ADGRB3: variants seen among roughly 807,000 people sequenced by gnomAD.
ADGRB3 encodes the protein adhesion G protein-coupled receptor B3.
In ADGRB3, 37 loss-of-function variants were observed where a neutral mutation model predicts 193.4. That is an observed-to-expected ratio of 0.19 (90% confidence interval 0.15 to 0.25). The LOEUF (loss-of-function observed/expected upper bound fraction) is 0.25, where lower values mean the gene tolerates loss of function less well. Ranked by LOEUF, ADGRB3 falls within the 10% of genes least tolerant of loss-of-function variation. The pLI is 1.00. For missense variants in ADGRB3, 1,637 were observed against 1,852.9 expected (o/e 0.88, Z 2.14); for synonymous variants, 690 against 644.2 (o/e 1.07, Z -1.08).
intron 3 of ADGRB3, among the ~76,000 whole-genome samples, chr6:68,904,801 C>G (rs904009487): frequency 1.3e-5 from 2 of 152,178 alleles, no homozygotes; most frequent in African/African-American, 4.8e-5. Context: ...TTTCATATCT[C>G]TCTCATGATC....
chr6:68,740,605 A>G (rs557545807), intron 3 of ADGRB3, among the ~76,000 whole-genome samples: 1 of 152,336 alleles, frequency 6.6e-6, no homozygotes, highest in African/African-American at 2.4e-5. Flanking sequence ...CATATATTTC[A>G]TAGGAATCAT....
intron 3 of ADGRB3, among the ~76,000 whole-genome samples, chr6:68,697,928 T>C: frequency 6.6e-6 from 1 of 151,642 alleles, no homozygotes; most frequent in Admixed American, 6.6e-5. Context: ...ATCTGTAAAA[T>C]TGAATTAATA....
In ADGRB3 at chr6:69,050,166, T is replaced by C. The variant is rs532396877; in HGVS notation, c.2333+820T>C. ...GAAAGAATATAAATGATGTGTGCAG[T>C]TATACTGCGGACAAAACAAATAGTC... On this transcript the variant is annotated intron_variant, in intron 15 of 31. Transcript: ENST00000370598. Among the ~76,000 whole-genome samples, 9 of 152,324 alleles carry C rather than the reference T, an allele frequency of 5.9e-5. 1 individual carries two copies. In the South Asian group the frequency reaches 1.9e-3, roughly 32 times the overall value.
chr6:69,380,906 A>G (rs1769933603), intron 30 of ADGRB3, among the ~76,000 whole-genome samples: 1 of 151,896 alleles, frequency 6.6e-6, no homozygotes, highest in Admixed American at 6.6e-5. Context: ...TATCTCAGAA[A>G]AATGTCAGTA....
intron 20 of ADGRB3, among the ~76,000 whole-genome samples, chr6:69,258,541 G>A (rs1766832249): frequency 6.6e-6 from 1 of 152,208 alleles, no homozygotes; most frequent in African/African-American, 2.4e-5. Context: ...TTACCTTTAT[G>A]TATTTAAAAT....
At chr6:69,083,157 T>G (rs987747686) in intron 17 of ADGRB3, among the ~76,000 whole-genome samples, 1 of 152,218 alleles carries the variant, frequency 6.6e-6, no homozygotes, top group African/African-American at 2.4e-5. Context: ...CTCATATGTA[T>G]AGTTCTTGAG....
chr6:69,383,819 G>A (rs1370295182), intron 31 of ADGRB3, among the ~76,000 whole-genome samples: 1 of 152,002 alleles, frequency 6.6e-6, no homozygotes, highest in Non-Finnish European at 1.5e-5. Flanking sequence ...ACTGCCATCT[G>A]ACACCAGCTC....
chr6:69,008,379 T>C (rs959121915), intron 11 of ADGRB3, among the ~76,000 whole-genome samples: 2 of 152,164 alleles, frequency 1.3e-5, no homozygotes, highest in African/African-American at 4.8e-5. Context: ...CTTAAGTATT[T>C]AGTATACCTT....
At chr6:68,961,314 A>T (rs1365607686) in intron 8 of ADGRB3, among the ~76,000 whole-genome samples, 3 of 152,198 alleles carry the variant, frequency 2.0e-5, no homozygotes, top group Non-Finnish European at 4.4e-5. Flanking sequence ...AGTCTGATGT[A>T]AAACCAGGCA....
intron 23 of ADGRB3, 54 bp downstream of exon 23, chr6:69,330,626 C>G: frequency 7.0e-7 from 1 of 1,429,894 alleles, no homozygotes; most frequent in Non-Finnish European, 9.6e-7. Flanking sequence ...AAAAAGACTA[C>G]TTTCTTTCAA....
chr6:68,889,588 C>T (rs779291406), intron 3 of ADGRB3, among the ~76,000 whole-genome samples: 13 of 151,752 alleles, frequency 8.6e-5, no homozygotes, highest in South Asian at 2.1e-4. Flanking sequence ...CTGCAAGCTC[C>T]GCCTCCTGGG....
chr6:68,873,948 T>A (rs1214914311), intron 3 of ADGRB3, among the ~76,000 whole-genome samples: 1 of 152,062 alleles, frequency 6.6e-6, no homozygotes, highest in Non-Finnish European at 1.5e-5. Context: ...ACTCAGAAAA[T>A]CCTAAATATT....
At chr6:69,141,336 G>A (rs886577595) in intron 17 of ADGRB3, among the ~76,000 whole-genome samples, 2 of 152,044 alleles carry the variant, frequency 1.3e-5, no homozygotes, top group African/African-American at 4.8e-5. Flanking sequence ...TGTTAGCCAG[G>A]ATTGTCTCGA....
chr6:68,700,392 A>T (rs553790859), intron 3 of ADGRB3, among the ~76,000 whole-genome samples: 1 of 151,942 alleles, frequency 6.6e-6, no homozygotes, highest in African/African-American at 2.4e-5. Flanking sequence ...ATATAAGAGG[A>T]GGTTAAAAAG....
At chr6:69,274,759 C>T (rs188226339) in intron 20 of ADGRB3, among the ~76,000 whole-genome samples, 18 of 152,022 alleles carry the variant, frequency 1.2e-4, no homozygotes, top group Admixed American at 1.1e-3. Flanking sequence ...CTGAAAGAAG[C>T]AATCAGGCAA....
intron 17 of ADGRB3, among the ~76,000 whole-genome samples, chr6:69,118,017 G>A (rs1773582305): frequency 6.6e-6 from 1 of 152,098 alleles, no homozygotes; most frequent in East Asian, 1.9e-4. Flanking sequence ...AAAGATAACA[G>A]CATAATTAAC....
chr6:68,868,264 G>C (rs1215286299), intron 3 of ADGRB3, among the ~76,000 whole-genome samples: 1 of 152,144 alleles, frequency 6.6e-6, no homozygotes, highest in Admixed American at 6.5e-5. Flanking sequence ...GTTTAAAAGT[G>C]TGTGTCATCC....
intron 13 of ADGRB3, among the ~76,000 whole-genome samples, chr6:69,047,822 C>G (rs993503627): frequency 6.6e-6 from 1 of 152,098 alleles, no homozygotes; most frequent in African/African-American, 2.4e-5. Context: ...TCCATTAGTT[C>G]AAGTCTGTTA....
chr6:68,723,038 T>C (rs1225498671), intron 3 of ADGRB3, among the ~76,000 whole-genome samples: 1 of 151,796 alleles, frequency 6.6e-6, no homozygotes, highest in Non-Finnish European at 1.5e-5. Flanking sequence ...TGGACATGGC[T>C]ATATTCATAT....
Sources: gnomAD v4.1 joint callset for allele counts (sites outside exome capture counted in the v4.1 genomes callset) on GRCh38, gnomAD v4.1.1 for gene constraint, MANE v1.5 for transcripts, NCBI Gene and HGNC (gene_info 2026-07-23, HGNC 2026-07-21) for gene names.